The following STARD13 variants were observed in gnomAD, a reference collection of about 807,000 sequenced individuals.
STARD13 encodes StAR related lipid transfer domain containing 13.
A neutral mutation model predicts 106.4 loss-of-function variants in STARD13; 62 were observed. The observed-to-expected ratio is 0.58, with a 90% confidence interval of 0.48 to 0.72. STARD13 has a LOEUF of 0.72. STARD13 is among the 30% of genes least tolerant of loss of function. The probability of loss-of-function intolerance (pLI) is 0.00; values close to 1 mark genes in which losing one functional copy is unlikely to be tolerated. For missense variants in STARD13, 1,387 were observed against 1,424.0 expected, an observed-to-expected ratio of 0.97 and a Z score of 0.42; for synonymous variants, 565 against 553.0, an observed-to-expected ratio of 1.02 and a Z score of -0.31.
chr13:33,306,108 G>A (rs1395241183), intron 1 of STARD13, among the ~76,000 whole-genome samples: 1 of 152,114 alleles, frequency 6.6e-6, no homozygotes, highest in African/African-American at 2.4e-5. Context: ...AAAACAGCAT[G>A]GTACTGGTAC....
At chr13:33,366,208 A>G in the STARD13 span, among the ~76,000 whole-genome samples, 1 of 152,160 alleles carries the variant, frequency 6.6e-6, no homozygotes, top group Non-Finnish European at 1.5e-5. This position sits in a 1 kb window ranked among gnomAD's most constrained non-coding sequence, Gnocchi z 4.2. Flanking sequence ...TACTATTGTC[A>G]AAAATGCTTG....
At chr13:33,269,459 A>T (rs1025825334) in intron 1 of STARD13, among the ~76,000 whole-genome samples, 1 of 152,176 alleles carries the variant, frequency 6.6e-6, no homozygotes, top group African/African-American at 2.4e-5. Context: ...GTCTCTTCAG[A>T]GTCAGACAGC....
At chr13:33,541,771 A>G in the STARD13 span, among the ~76,000 whole-genome samples, 9 of 152,358 alleles carry the variant, frequency 5.9e-5, no homozygotes, top group South Asian at 1.9e-3. Flanking sequence ...AGCACTTTGC[A>G]CAGATGACAT....
At chr13:33,540,848 G>C in the STARD13 span, among the ~76,000 whole-genome samples, 2 of 152,192 alleles carry the variant, frequency 1.3e-5, no homozygotes, top group Non-Finnish European at 2.9e-5. Context: ...AGGAGTAGGA[G>C]AGCTGATCAA....
At chr13:33,407,883 C>A in the STARD13 span, among the ~76,000 whole-genome samples, 1 of 152,204 alleles carries the variant, frequency 6.6e-6, no homozygotes, top group Non-Finnish European at 1.5e-5. Flanking sequence ...CTTCATGTTA[C>A]CCCTATTCTC....
chr13:33,449,299 C>A, the STARD13 span, among the ~76,000 whole-genome samples: 3 of 152,078 alleles, frequency 2.0e-5, no homozygotes, highest in Non-Finnish European at 4.4e-5. Context: ...AGAAAAGGGT[C>A]TAGTTTCATT....
chr13:33,669,463 C>G, the STARD13 span, among the ~76,000 whole-genome samples: 1 of 151,842 alleles, frequency 6.6e-6, no homozygotes, highest in African/African-American at 2.4e-5. Context: ...GGGACTTCCA[C>G]CGCTTGCTCA....
the STARD13 span, among the ~76,000 whole-genome samples, chr13:33,608,272 A>G: frequency 6.6e-6 from 1 of 152,248 alleles, no homozygotes; most frequent in South Asian, 2.1e-4. Context: ...TTCACAATGG[A>G]AAGACTAAAT....
the STARD13 span, among the ~76,000 whole-genome samples, chr13:33,534,451 GTTTTA>G: frequency 1.3e-5 from 2 of 152,146 alleles, no homozygotes; most frequent in Admixed American, 6.5e-5. Flanking sequence ...TTTCTGTCTG[GTTTTA>G]AATGTAATTC....
the STARD13 span, among the ~76,000 whole-genome samples, chr13:33,458,142 A>T: frequency 2.6e-5 from 4 of 152,246 alleles, no homozygotes; most frequent in Non-Finnish European, 4.4e-5. Context: ...ATAAAAACAA[A>T]ACTCAAAAAG....
the STARD13 span, among the ~76,000 whole-genome samples, chr13:33,612,968 G>C: frequency 6.6e-6 from 1 of 152,176 alleles, no homozygotes; most frequent in Non-Finnish European, 1.5e-5. Flanking sequence ...AGATCTGAAA[G>C]AACTCTTTTG....
Position 33,126,221 on chromosome 13 carries a change from T to G in STARD13, c.1942A>C (p.Lys648Gln). The change falls in exon 7 of 14, where the codon AAG becomes CAG. Residue 648 changes from lysine to glutamine, a missense_variant. Coordinates refer to ENST00000336934, the MANE Select transcript of STARD13 (RefSeq NM_178006.4). ...GWTWSVPKFM[K>Q]RMKVPDYKDK... ...TTGTAGTCGGGAACTTTCATCCTCTTCATGAACTTTGGAACTGACCTAGAA... is the reference window on the plus strand; with the variant it reads ...TTGTAGTCGGGAACTTTCATCCTCTGCATGAACTTTGGAACTGACCTAGAA... The G allele has an allele frequency of 6.2e-7, 1 of 1,614,182 alleles. No homozygotes were observed. The highest frequency in any genetic ancestry group is 1.3e-5 in the African/African-American group (1 of 75,040).
chr13:33,485,483 G>T, the STARD13 span, among the ~76,000 whole-genome samples: 3 of 152,050 alleles, frequency 2.0e-5, no homozygotes, highest in African/African-American at 7.2e-5. Flanking sequence ...ACAAATAAGA[G>T]TTAATGTTTT....
the STARD13 span, among the ~76,000 whole-genome samples, chr13:33,416,128 T>C: frequency 6.6e-6 from 1 of 152,232 alleles, no homozygotes; most frequent in African/African-American, 2.4e-5. Context: ...TTTCATTAAT[T>C]TGGTTCAACA....
chr13:33,499,954 G>C, the STARD13 span, among the ~76,000 whole-genome samples: 1 of 151,516 alleles, frequency 6.6e-6, no homozygotes, highest in Non-Finnish European at 1.5e-5. Context: ...GTTGTTCGCT[G>C]TGCTGCCTAG....
the STARD13 span, among the ~76,000 whole-genome samples, chr13:33,394,440 G>A: frequency 3.0e-3 from 453 of 152,308 alleles, 3 homozygotes; most frequent in African/African-American, 0.011. Flanking sequence ...ATATTTGACA[G>A]TGCAGAAGAA....
the STARD13 span, among the ~76,000 whole-genome samples, chr13:33,633,706 TA>T: frequency 6.6e-6 from 1 of 152,242 alleles, no homozygotes; most frequent in South Asian, 2.1e-4. Flanking sequence ...CAGGTTTTTT[TA>T]TTCAACAATT....
the STARD13 span, among the ~76,000 whole-genome samples, chr13:33,502,763 A>G: frequency 6.6e-6 from 1 of 152,148 alleles, no homozygotes; most frequent in African/African-American, 2.4e-5. Context: ...TAAGTTTTTG[A>G]TGTGCTGCTA....
chr13:33,221,221 C>T (rs764242398), intron 1 of STARD13, among the ~76,000 whole-genome samples: 4 of 152,126 alleles, frequency 2.6e-5, no homozygotes, highest in Non-Finnish European at 5.9e-5. Flanking sequence ...GAAACTGTAT[C>T]CACTGAACAA....
Sources: gnomAD v4.1 joint callset for allele counts (sites outside exome capture counted in the v4.1 genomes callset) on GRCh38, gnomAD v4.1.1 for gene constraint, Gnocchi (gnomAD v3.1) non-coding constraint, MANE v1.5 for transcripts, NCBI Gene and HGNC (gene_info 2026-07-23, HGNC 2026-07-21) for gene names.